WWTR1: variants seen among roughly 807,000 people sequenced by gnomAD.
WWTR1 encodes WW domain containing transcription regulator 1, also known as WW domain-containing transcription regulator protein 1.
A neutral mutation model predicts 40.1 loss-of-function variants in WWTR1; 13 were observed. The observed-to-expected ratio is 0.32, with a 90% CI of 0.21 to 0.52. WWTR1 has a LOEUF of 0.52. WWTR1 is among the 20% of genes least tolerant of loss of function. The probability of loss-of-function intolerance (pLI) is 0.97; values close to 1 mark genes in which losing one functional copy is unlikely to be tolerated. For missense variants in WWTR1, 436 were observed against 523.1 expected (o/e 0.83, Z 1.63); for synonymous variants, 230 against 210.1 (o/e 1.09, Z -0.82).
At chr3:149,699,292 CTT>C (rs35576449) in intron 1 of WWTR1, among the ~76,000 whole-genome samples, 37 of 131,668 alleles carry the variant, frequency 2.8e-4, no homozygotes, top group African/African-American at 3.1e-4. Context: ...GGTCATCATT[CTT>C]TTTTTTTTTT....
intron 2 of WWTR1, among the ~76,000 whole-genome samples, chr3:149,579,717 T>C (rs917549706): frequency 2.0e-5 from 3 of 152,216 alleles, no homozygotes; most frequent in African/African-American, 7.2e-5. Flanking sequence ...ATAAGCAAAC[T>C]GTCTTATTTC....
intron 1 of WWTR1, among the ~76,000 whole-genome samples, chr3:149,678,996 A>C (rs1372796677): frequency 6.6e-6 from 1 of 151,824 alleles, no homozygotes; most frequent in Non-Finnish European, 1.5e-5. Context: ...TGCCCGGCTA[A>C]TTTTTTGTAT....
At chr3:149,557,400 T>C (rs1736879080) in intron 3 of WWTR1, among the ~76,000 whole-genome samples, 1 of 152,104 alleles carries the variant, frequency 6.6e-6, no homozygotes, top group African/African-American at 2.4e-5. Flanking sequence ...TTAAGGACAT[T>C]GTCCCCTAGA....
intron 2 of WWTR1, among the ~76,000 whole-genome samples, chr3:149,595,458 A>C (rs1738953866): frequency 6.6e-6 from 1 of 152,158 alleles, no homozygotes; most frequent in Non-Finnish European, 1.5e-5. Context: ...CAACTATTTA[A>C]GTATTTAGGA....
intron 2 of WWTR1, among the ~76,000 whole-genome samples, chr3:149,635,489 A>C (rs1268190249): frequency 6.6e-6 from 1 of 151,938 alleles, no homozygotes; most frequent in African/African-American, 2.4e-5. Flanking sequence ...AAGGTACAAT[A>C]TATAGAAGGA....
At chr3:149,577,996 T>C (rs1737965635) in intron 2 of WWTR1, among the ~76,000 whole-genome samples, 1 of 145,858 alleles carries the variant, frequency 6.9e-6, no homozygotes, top group Admixed American at 6.8e-5. Context: ...TTTTCCTCCC[T>C]TCCTCCTTCC....
At chr3:149,617,317 CT>C (rs1244317965) in intron 2 of WWTR1, among the ~76,000 whole-genome samples, 1 of 152,160 alleles carries the variant, frequency 6.6e-6, no homozygotes, top group African/African-American at 2.4e-5. Flanking sequence ...CTTCTCTTTC[CT>C]TCTGTCCCCA....
intron 2 of WWTR1, among the ~76,000 whole-genome samples, chr3:149,603,512 T>C (rs1739343028): frequency 6.6e-6 from 1 of 151,936 alleles, no homozygotes; most frequent in Non-Finnish European, 1.5e-5. Flanking sequence ...GACAGTTTCT[T>C]CATGATAATG....
Position 149,596,037 on chromosome 3 carries a change from CA to C in WWTR1, c.432-23038del, listed in dbSNP as rs934446226. On this transcript the variant is annotated intron_variant, in intron 2 of 6. Transcript: ENST00000360632. ...GGCAACATGGTGAGATTCCATCTCT[CA>C]AAAAAAAACAAAAACAAAAACAAAA... is the stretch of plus-strand genomic sequence containing the variant. 6.1e-5 allele frequency among the ~76,000 whole-genome samples: 9 copies of C among 147,776 alleles called. No individual in the cohort carries two copies. In the East Asian group the frequency reaches 1.4e-3, roughly 23 times the overall value.
At chr3:149,654,138 A>T (rs1713063467) in intron 2 of WWTR1, among the ~76,000 whole-genome samples, 1 of 151,734 alleles carries the variant, frequency 6.6e-6, no homozygotes, top group African/African-American at 2.4e-5. Context: ...TAAAAAAAAA[A>T]ATGTATCTGC....
At chr3:149,617,665 T>C (rs1003006212) in intron 2 of WWTR1, among the ~76,000 whole-genome samples, 7 of 152,154 alleles carry the variant, frequency 4.6e-5, no homozygotes, top group African/African-American at 1.7e-4. Flanking sequence ...CTGGGCATGG[T>C]GGTACATGCC....
intron 2 of WWTR1, among the ~76,000 whole-genome samples, chr3:149,577,041 C>T (rs956041644): frequency 4.6e-5 from 7 of 152,134 alleles, no homozygotes; most frequent in African/African-American, 1.7e-4. Context: ...CCTGTAATCC[C>T]AGCTACTCAG....
At chr3:149,591,030 A>G (rs1287584700) in intron 2 of WWTR1, among the ~76,000 whole-genome samples, 2 of 151,346 alleles carry the variant, frequency 1.3e-5, no homozygotes, top group East Asian at 1.9e-4. Context: ...CCTGGTTTTA[A>G]TTAGGCATAT....
intron 2 of WWTR1, among the ~76,000 whole-genome samples, chr3:149,616,673 C>T (rs529711738): frequency 6.6e-6 from 1 of 152,258 alleles, no homozygotes; most frequent in East Asian, 1.9e-4. Context: ...AACTCCCAAC[C>T]TCAGGTGATC....
At chr3:149,627,751 G>T (rs1428460224) in intron 2 of WWTR1, among the ~76,000 whole-genome samples, 1 of 152,138 alleles carries the variant, frequency 6.6e-6, no homozygotes, top group Non-Finnish European at 1.5e-5. Context: ...AAAGAAAGTT[G>T]ACGCTTTCTA....
At chr3:149,674,030 G>C (rs1435032842) in intron 1 of WWTR1, among the ~76,000 whole-genome samples, 1 of 144,728 alleles carries the variant, frequency 6.9e-6, no homozygotes, top group Non-Finnish European at 1.5e-5. Flanking sequence ...GACCGGCCTA[G>C]GCAACATAGT....
Position 149,657,064 on chromosome 3 carries a change from A to G in WWTR1, c.243T>C (p.Gly81=). ...ACGAGTGCGAGCGGACATGCTGGGC[A>G]CCCCCAGCCAGTCGAGGCCCCGGGT... ...GGHPGPRLAG[G]AQHVRSHSSP... The change falls in exon 2 of 7, where the codon GGT becomes GGC. Residue 81 remains glycine, a synonymous_variant. Transcript: ENST00000360632. 6.4e-7 allele frequency: 1 copy of G among 1,566,906 alleles called. No homozygotes were observed. Among genetic ancestry groups the G allele is most frequent in the South Asian group, 1.1e-5 (1 of 87,300 alleles).
chr3:149,605,440 A>G (rs1040532306), intron 2 of WWTR1, among the ~76,000 whole-genome samples: 1 of 152,160 alleles, frequency 6.6e-6, no homozygotes, highest in Non-Finnish European at 1.5e-5. Flanking sequence ...GAGAACTTGG[A>G]GGACTGGATG....
chr3:149,646,384 C>T (rs1301433207), intron 2 of WWTR1, among the ~76,000 whole-genome samples: 1 of 152,236 alleles, frequency 6.6e-6, no homozygotes, highest in Non-Finnish European at 1.5e-5. Context: ...CCAAACTACC[C>T]TGTTCCACAA....
Sources: gnomAD v4.1 joint callset for allele counts (sites outside exome capture counted in the v4.1 genomes callset) on GRCh38, gnomAD v4.1.1 for gene constraint, MANE v1.5 for transcripts, NCBI Gene and HGNC (gene_info 2026-07-23, HGNC 2026-07-21) for gene names.